The following SEMA4G variants were observed in gnomAD, a reference collection of about 807,000 sequenced individuals.
The protein encoded by SEMA4G is semaphorin-4G.
In SEMA4G, 59 loss-of-function variants were observed where a neutral mutation model predicts 81.2. That is an observed-to-expected ratio of 0.73 (90% CI 0.59 to 0.90). The LOEUF (loss-of-function observed/expected upper bound fraction) is 0.90. Among genes scored for constraint, SEMA4G ranks in the 40% least tolerant of loss-of-function variants. The pLI is 0.00. For synonymous variants in SEMA4G, 404 were observed against 433.9 expected, an observed-to-expected ratio of 0.93 and a Z score of 0.86; for missense variants, 952 against 1,102.3, an observed-to-expected ratio of 0.86 and a Z score of 1.93.
rs1225104729 is a variant in SEMA4G at position 100,973,077 on chromosome 10, G to C, written c.124+41G>C. 2 of 1,614,090 alleles carry C rather than the reference G, an allele frequency of 1.2e-6. No individual in the cohort carries two copies. Among genetic ancestry groups the C allele is most frequent in the Non-Finnish European group, 1.7e-6 (2 of 1,179,994 alleles). On this transcript the variant is annotated intron_variant, in intron 1 of 13. Transcript: ENST00000370250. This position sits in a 1 kb window ranked among gnomAD's most constrained non-coding sequence, Gnocchi z 5.5. Reference sequence around the variant, plus strand: ...TCAAAAGGCAGCAGAAGCCAGGGCTGGGGGTGGGGAGGCACCCCAGAACTA... The same window carrying C: ...TCAAAAGGCAGCAGAAGCCAGGGCTCGGGGTGGGGAGGCACCCCAGAACTA...
At chr10:100,984,692 T>G in exon 14 of SEMA4G, 1 of 1,536,282 alleles carries the variant, frequency 6.5e-7, no homozygotes. Context: ...GTTTCATCCC[T>G]GCTTCTGGAC....
rs546199859 is a variant in SEMA4G, at chr10:100,977,748, G to A, written c.435+18G>A. 1.9e-6 allele frequency: 3 copies of A among 1,587,646 alleles called. No homozygotes were observed. In the Admixed American group the frequency reaches 5.0e-5, roughly 26 times the overall value. On this transcript the variant is annotated intron_variant, in intron 4 of 13. Transcript: ENST00000370250. ...CAGCCATTGTGAGTATACCTGTGTTGTGCCAGATCTCTGTTGACTTCATTA... is the reference window on the plus strand; with the variant it reads ...CAGCCATTGTGAGTATACCTGTGTTATGCCAGATCTCTGTTGACTTCATTA...
chr10:100,979,870 A>G, exon 9 of SEMA4G: 1 of 1,613,950 alleles, frequency 6.2e-7, no homozygotes, highest in Non-Finnish European at 8.5e-7. Context: ...GGCCTCAGCC[A>G]TCTGCCGCTA....
In SEMA4G at chr10:100,973,466, T is replaced by C. The variant is rs879396800; in HGVS notation, c.274-81T>C. On this transcript the variant is annotated intron_variant, in intron 2 of 13. Transcript: ENST00000370250. The surrounding 1 kb of genome is among the most constrained non-coding windows in gnomAD (Gnocchi z 5.5). ...TGATCCCCACCCCAATTTCCCCAAC[T>C]CTGTGGGGTCCTATTGCCTGGTCCT... is the stretch of plus-strand genomic sequence containing the variant. 5 of 1,492,636 alleles carry C rather than the reference T, an allele frequency of 3.3e-6. No individual in the cohort carries two copies. In the Admixed American group the frequency reaches 8.8e-5, roughly 26 times the overall value. The allele number at this position is 1,492,636 out of a possible 1,614,324, so 92.5% of individuals were successfully genotyped here.
At chr10:100,978,418 A>G in intron 5 of SEMA4G, 30 bp downstream of exon 6, 1 of 1,607,898 alleles carries the variant, frequency 6.2e-7, no homozygotes, top group Non-Finnish European at 8.5e-7. Flanking sequence ...TATCACAGAC[A>G]TGGTATTTTT....
At chr10:100,984,589 C>T in exon 14 of SEMA4G, 1 of 1,536,220 alleles carries the variant, frequency 6.5e-7, no homozygotes, top group Non-Finnish European at 8.7e-7. Context: ...TGCCAGCCAC[C>T]TAAGCCCTGC....
exon 14 of SEMA4G, chr10:100,983,342 G>C: frequency 6.3e-7 from 1 of 1,591,326 alleles, no homozygotes; most frequent in African/African-American, 1.3e-5. Flanking sequence ...CTGTGCTCCG[G>C]GGTGATGATG....
At chr10:100,981,130 A>G in intron 12 of SEMA4G, 38 bp from the exon 14 acceptor site, 2 of 1,613,132 alleles carry the variant, frequency 1.2e-6, no homozygotes, top group Non-Finnish European at 1.7e-6. Context: ...ACTGAAACCC[A>G]GTTCCCCTTG....
chr10:100,980,419 G>C, intron 10 of SEMA4G, 75 bp downstream of exon 11: 1 of 1,474,742 alleles, frequency 6.8e-7, no homozygotes, highest in Non-Finnish European at 9.4e-7. Flanking sequence ...TTCCTGCCAT[G>C]ACTAGTCTGG....
downstream of SEMA4G, chr10:100,985,072 C>G: frequency 3.1e-6 from 2 of 638,124 alleles, no homozygotes; most frequent in South Asian, 5.3e-5. Context: ...ATTTAACTGT[C>G]CTCACAGGCC....
intron 12 of SEMA4G, 71 bp from the exon 14 acceptor site, chr10:100,981,097 C>T: frequency 6.2e-7 from 1 of 1,607,302 alleles, no homozygotes. Flanking sequence ...TAGTAACAGA[C>T]CTATCTACCC....
At chr10:100,984,639 G>A (rs1463832678) in exon 14 of SEMA4G, 1 of 1,536,210 alleles carries the variant, frequency 6.5e-7, no homozygotes, top group South Asian at 1.2e-5. Flanking sequence ...TTTATCGGCT[G>A]GGCTGCAGTG....
chr10:100,969,724 C>A (rs1393430823), upstream of SEMA4G: 1 of 387,228 alleles, frequency 2.6e-6, no homozygotes, highest in South Asian at 1.8e-5. Flanking sequence ...CCAAGTCCCC[C>A]GGTCCTGCAT....
chr10:100,975,021 C>G (rs4919510), intron 3 of SEMA4G: 134,163 of 533,066 alleles, frequency 0.25, 19,713 homozygotes, highest in East Asian at 0.54. Context: ...TGGGACAGCT[C>G]CGTTTAAAAA....
chr10:100,981,001 G>A lies in SEMA4G; in HGVS notation c.1628+19G>A. 6.3e-7 allele frequency: 1 copy of A among 1,593,832 alleles called. No individual in the cohort carries two copies. The highest frequency in any genetic ancestry group is 1.1e-5 in the South Asian group (1 of 87,744). On this transcript the variant is annotated intron_variant, in intron 12 of 13. Coordinates refer to ENST00000370250, the Ensembl canonical transcript of SEMA4G. ...CCAACAGGTCCCAGGGAAGCAGGTG[G>A]GAAGTGGTGGGGGGTGACAGTCACA...
At position 100,983,974 on chromosome 10, in the gene SEMA4G, G is replaced by A. The variant is rs757591403; in HGVS notation, c.2360G>A (p.Arg787Gln). The A allele has an allele frequency of 1.3e-5, 18 of 1,430,492 alleles. No homozygotes were observed. Among genetic ancestry groups the A allele is most frequent in the African/African-American group, 6.1e-5 (4 of 65,282 alleles). The allele number at this position is 1,430,492 out of a possible 1,614,324, so 88.6% of individuals were successfully genotyped here. Residue 787 changes from arginine to glutamine, a missense_variant, in exon 14 of 14, where the codon CGG (arginine) becomes CAG (glutamine). Arg to Gln is a conservative substitution (Grantham distance 43). This residue lies in a region of SEMA4G where 385 missense variants were observed against 413.5 expected (regional missense o/e 0.93). Coordinates refer to ENST00000370250, the Ensembl canonical transcript of SEMA4G. ...AATGGCTTGGTGGCACTGCCCAGCCGGCTGCGGAGGATGAATGGCAATAGC... is the reference window on the plus strand; with the variant it reads ...AATGGCTTGGTGGCACTGCCCAGCCAGCTGCGGAGGATGAATGGCAATAGC...
At chr10:100,969,754 G>A (rs1850576464), upstream of SEMA4G, 2 of 420,982 alleles carry the variant, frequency 4.8e-6, no homozygotes, top group South Asian at 1.7e-5. Context: ...AGAGGGGCGC[G>A]GGCCAGGCCT....
intron 12 of SEMA4G, 28 bp from the exon 14 acceptor site, chr10:100,981,140 G>A (rs1411684424): frequency 2.5e-6 from 4 of 1,613,742 alleles, no homozygotes; most frequent in Non-Finnish European, 3.4e-6. Flanking sequence ...AGTTCCCCTT[G>A]TTCATAAAAC....
chr10:100,974,736 C>T (rs1410982496), intron 3 of SEMA4G, among the ~76,000 whole-genome samples: 4 of 152,134 alleles, frequency 2.6e-5, no homozygotes, highest in Admixed American at 6.5e-5. Context: ...AAGCATCAGC[C>T]CTTTCCAGCT....
Sources: gnomAD v4.1 joint callset for allele counts (sites outside exome capture counted in the v4.1 genomes callset) on GRCh38, gnomAD v4.1.1 for gene constraint, gnomAD v4.1.1 regional missense constraint, Gnocchi (gnomAD v3.1) non-coding constraint, MANE v1.5 for transcripts, NCBI Gene and HGNC (gene_info 2026-07-23, HGNC 2026-07-21) for gene names.